The following CARS2 variants were observed in gnomAD, a reference collection of about 807,000 sequenced individuals.
CARS2 encodes the protein probable cysteine--tRNA ligase, mitochondrial.
In CARS2, 52 loss-of-function variants were observed where a neutral mutation model predicts 68.8. The ratio of observed to expected loss-of-function variants is 0.76; its 90% CI spans 0.61 to 0.95. The LOEUF is 0.95. Among genes scored for constraint, CARS2 ranks in the 40% least tolerant of loss-of-function variants. The pLI is 0.00. For missense variants in CARS2, 780 were observed against 754.2 expected (o/e 1.03, Z -0.40); for synonymous variants, 314 against 303.6 (o/e 1.03, Z -0.36).
Position 110,692,003 on chromosome 13 carries a change from AAT to A in CARS2, c.394-3987_394-3986del, listed in dbSNP as rs71127965. Among the ~76,000 whole-genome samples the A allele has an allele frequency of 1.1e-3, 102 of 91,560 alleles. 2 individuals carry two copies. Among genetic ancestry groups the A allele is most frequent in the East Asian group, 3.7e-3 (12 of 3,264 alleles). 60.1% of individuals were successfully genotyped at this position (91,560 alleles called of 152,430 possible). A position where few individuals can be genotyped will look rare whatever the true frequency, so the allele number is the denominator to read the frequency against. On this transcript the variant is annotated intron_variant, in intron 3 of 14. Coordinates refer to ENST00000257347, the MANE Select transcript of CARS2 (RefSeq NM_024537.4). ...AGCTGTGCAGAAAAAAAAAAAAAAA[AAT>A]ATATATATATATATATATACACACA...
chr13:110,641,716 C>T lies in CARS2; in HGVS notation c.1624-108G>A, dbSNP rs187312032. On this transcript the variant is annotated intron_variant, in intron 14 of 14. Transcript: ENST00000257347. ...GGTGCCTGTTCCCTCACCGGCCTGT[C>T]CTAAAAAGCTTGCCAGGCGCTTAGA... The T allele has an allele frequency of 1.4e-3, 1,285 of 897,106 alleles. 16 individuals are homozygous for T. The Middle Eastern group carries it at 0.015, about 11-fold the overall frequency. 55.6% of individuals were successfully genotyped at this position (897,106 alleles called of 1,614,324 possible). A position where few individuals can be genotyped will look rare whatever the true frequency, so the allele number is the denominator to read the frequency against.
upstream of CARS2, chr13:110,706,175 C>T (rs1226496418): frequency 1.0e-6 from 1 of 978,090 alleles, no homozygotes; most frequent in Non-Finnish European, 1.3e-6. Flanking sequence ...AGCACGGCCC[C>T]GCCCCGCCCC....
intron 1 of CARS2, chr13:110,712,895 G>A (rs565440904): frequency 1.4e-5 from 21 of 1,483,930 alleles, no homozygotes; most frequent in African/African-American, 2.8e-5. Flanking sequence ...ACCGGGAGAC[G>A]ACACAAAGGG....
chr13:110,657,984 C>A (rs148717078), intron 9 of CARS2, among the ~76,000 whole-genome samples: 1 of 152,266 alleles, frequency 6.6e-6, no homozygotes, highest in East Asian at 1.9e-4. Flanking sequence ...ACCCTTTAAC[C>A]CTCACTTCCC....
chr13:110,664,518 AAAAT>A (rs750902464), intron 8 of CARS2: 24 of 839,778 alleles, frequency 2.9e-5, no homozygotes, highest in South Asian at 1.1e-4. Flanking sequence ...CTCTGCCTCA[AAAAT>A]AAATAAATAA....
In CARS2 at chr13:110,668,540, T is replaced by G. The variant is rs996734330; in HGVS notation, c.786-1067A>C. On this transcript the variant is annotated intron_variant, in intron 7 of 14. Coordinates refer to ENST00000257347, the MANE Select transcript of CARS2 (RefSeq NM_024537.4). This position sits in a 1 kb window ranked among gnomAD's most constrained non-coding sequence, Gnocchi z 4.1. ...CTGGGTGACAGAGCGAGACTCCGTC[T>G]CAAAAAAAAAAAAAGATTTTTACAT... Among the ~76,000 whole-genome samples, 11 of 55,862 alleles carry G rather than the reference T, an allele frequency of 2.0e-4. No individual in the cohort carries two copies. The highest frequency in any genetic ancestry group is 7.5e-4 in the South Asian group (1 of 1,326). 36.6% of individuals were successfully genotyped at this position (55,862 alleles called of 152,430 possible). A position where few individuals can be genotyped will look rare whatever the true frequency, so the allele number is the denominator to read the frequency against.
intron 5 of CARS2, among the ~76,000 whole-genome samples, chr13:110,685,431 A>G (rs967436735): frequency 1.3e-5 from 2 of 152,200 alleles, no homozygotes; most frequent in African/African-American, 4.8e-5. Flanking sequence ...TGCTCATCTT[A>G]CGCTCCAAGT....
At chr13:110,647,002 C>G in intron 11 of CARS2, 99 bp downstream of exon 11, 1 of 1,384,134 alleles carries the variant, frequency 7.2e-7, no homozygotes, top group Non-Finnish European at 9.6e-7. Context: ...GTCCAGCGCC[C>G]TGTCTCCTGG....
At chr13:110,713,294 G>A (rs2064059631) in exon 1 of CARS2, 2 of 1,270,980 alleles carry the variant, frequency 1.6e-6, no homozygotes, top group Non-Finnish European at 2.0e-6. Flanking sequence ...TGCGGTAGTT[G>A]CTGTGTACCA....
chr13:110,651,619 T>C (rs906362024), intron 9 of CARS2, among the ~76,000 whole-genome samples: 2 of 152,242 alleles, frequency 1.3e-5, no homozygotes, highest in African/African-American at 4.8e-5. Flanking sequence ...TTGTAAACAC[T>C]GGGCTAAAGC....
chr13:110,642,347 G>A lies in CARS2; in HGVS notation c.1591C>T (p.Arg531Trp), dbSNP rs566143026. ...TTGATGCCGTGGGCAGTCAGGCCCC[G>A]GCGCAGGGTGTCGCATGCTTCCAGC... The part of the protein sequence containing the change: ...PLLEACDTLR[R>W]GLTAHGINIK... The change falls in exon 14 of 15, where the codon CGG (arginine) becomes TGG (tryptophan). Residue 531 changes from arginine (R) to tryptophan (W), a missense_variant. By Grantham distance (101) the Arg-to-Trp change is moderately radical. Coordinates refer to ENST00000257347, the MANE Select transcript of CARS2 (RefSeq NM_024537.4). 27 of 1,551,678 alleles carry A rather than the reference G, an allele frequency of 1.7e-5. No homozygotes were observed. The highest frequency in any genetic ancestry group is 9.5e-5 in the South Asian group (8 of 84,146).
At chr13:110,646,245 G>A in intron 11 of CARS2, 155 bp from the exon 12 acceptor site, 1 of 789,650 alleles carries the variant, frequency 1.3e-6, no homozygotes, top group Non-Finnish European at 1.9e-6. Flanking sequence ...CTGAGTAGCA[G>A]AAAATTATGT....
chr13:110,700,273 G>A (rs1031119121), intron 3 of CARS2, among the ~76,000 whole-genome samples: 13 of 152,226 alleles, frequency 8.5e-5, no homozygotes, highest in Non-Finnish European at 1.6e-4. Flanking sequence ...CAGGACTCTG[G>A]AAGGGGTTCT....
In CARS2 at chr13:110,644,402, A is replaced by C. The variant is rs1218071476; in HGVS notation, c.1399T>G (p.Ser467Ala). 2 of 1,614,012 alleles carry C rather than the reference A, an allele frequency of 1.2e-6. No individual in the cohort carries two copies. Among genetic ancestry groups the C allele is most frequent in the Non-Finnish European group, 1.7e-6 (2 of 1,179,926 alleles). The change falls in exon 13 of 15, where the codon TCT (serine) becomes GCT (alanine). Residue 467 changes from serine to alanine, a missense_variant. Transcript: ENST00000257347. Reference protein sequence around the residue: ...FEQFFETVGISLANQQYVSGD... With the variant: ...FEQFFETVGIALANQQYVSGD... ...GGACCTACCTGTTGATTTGCCAGAG[A>C]AATTCCAACAGTTTCAAAAAACTGT...
chr13:110,656,160 G>A (rs534096175), intron 9 of CARS2, among the ~76,000 whole-genome samples: 1 of 152,244 alleles, frequency 6.6e-6, no homozygotes, highest in East Asian at 1.9e-4. Context: ...AAAATTAGCT[G>A]GGTGTGGTGG....
upstream of CARS2, among the ~76,000 whole-genome samples, chr13:110,709,734 C>T (rs1328570153): frequency 6.6e-6 from 1 of 151,834 alleles, no homozygotes; most frequent in Non-Finnish European, 1.5e-5. Context: ...TATGTATATA[C>T]ATTATATATA....
chr13:110,663,541 C>A, intron 8 of CARS2, 23 bp from the exon 9 acceptor site: 1 of 1,612,484 alleles, frequency 6.2e-7, no homozygotes. Flanking sequence ...CAAAAGCATT[C>A]AGTCTGAGCT....
At chr13:110,649,528 G>C (rs1010449105) in intron 10 of CARS2, among the ~76,000 whole-genome samples, 1 of 152,220 alleles carries the variant, frequency 6.6e-6, no homozygotes, top group Non-Finnish European at 1.5e-5. Context: ...GACATAAAGT[G>C]TGCTGGCCAG....
At chr13:110,675,782 G>A (rs548117316) in intron 7 of CARS2, among the ~76,000 whole-genome samples, 12 of 152,272 alleles carry the variant, frequency 7.9e-5, no homozygotes, top group Middle Eastern at 3.4e-3. Flanking sequence ...ACACTGAAAC[G>A]CTAGGAACAG....
Sources: allele counts gnomAD v4.1 joint callset (sites outside exome capture counted in the v4.1 genomes callset), GRCh38; gene constraint gnomAD v4.1.1; non-coding constraint Gnocchi (gnomAD v3.1); transcripts MANE v1.5; gene names NCBI Gene and HGNC (gene_info 2026-07-23, HGNC 2026-07-21).